The following CNTN1 variants were observed in gnomAD, a reference collection of about 807,000 sequenced individuals.
The protein encoded by CNTN1 is contactin 1.
CNTN1 carries 38 observed loss-of-function variants against 126.4 expected under a neutral mutation model. That is an observed-to-expected ratio of 0.30 (90% CI 0.23 to 0.39). The LOEUF (loss-of-function observed/expected upper bound fraction) is 0.39. Among genes scored for constraint, CNTN1 ranks in the 10% least tolerant of loss-of-function variants. The pLI is 1.00. For synonymous variants in CNTN1, 413 were observed against 422.6 expected (o/e 0.98, Z 0.28); for missense variants, 1,009 against 1,248.4 (o/e 0.81, Z 2.89).
intron 1 of CNTN1, among the ~76,000 whole-genome samples, chr12:40,755,175 A>T (rs1938550120): frequency 1.5e-5 from 2 of 133,546 alleles, no homozygotes; most frequent in African/African-American, 2.9e-5. Context: ...AGGGCAACAG[A>T]GTGAGACCCC....
chr12:41,007,085 A>G, intron 17 of CNTN1, among the ~76,000 whole-genome samples: 1 of 97,916 alleles, frequency 1.0e-5, no homozygotes, highest in African/African-American at 4.0e-5. Flanking sequence ...TTTGAGACGG[A>G]GTCTCGCTCT....
At chr12:40,958,427 G>C (rs1030271926) in intron 14 of CNTN1, among the ~76,000 whole-genome samples, 1 of 151,560 alleles carries the variant, frequency 6.6e-6, no homozygotes, top group Non-Finnish European at 1.5e-5. Flanking sequence ...ACCCGGTATA[G>C]AGTAGGCATT....
intron 23 of CNTN1, among the ~76,000 whole-genome samples, chr12:41,059,460 C>T (rs907454620): frequency 3.7e-4 from 56 of 152,090 alleles, no homozygotes; most frequent in Admixed American, 7.9e-4. Context: ...TTAAGGAAGG[C>T]GGCATCACTG....
intron 1 of CNTN1, among the ~76,000 whole-genome samples, chr12:40,760,466 ATGT>A (rs1938814430): frequency 1.3e-5 from 2 of 151,782 alleles, no homozygotes; most frequent in Non-Finnish European, 2.9e-5. Flanking sequence ...ACAGCAGTTA[ATGT>A]TTTTTTTTTT....
chr12:40,911,932 G>C (rs927577143), intron 3 of CNTN1, among the ~76,000 whole-genome samples: 1 of 152,186 alleles, frequency 6.6e-6, no homozygotes, highest in African/African-American at 2.4e-5. Flanking sequence ...GCTTTGTCAT[G>C]AAAGTAAAGG....
intron 23 of CNTN1, among the ~76,000 whole-genome samples, chr12:41,042,067 C>A (rs1457884149): frequency 6.6e-6 from 1 of 151,900 alleles, no homozygotes; most frequent in African/African-American, 2.4e-5. Context: ...TTATAAATTT[C>A]CCCCTACACA....
At chr12:41,069,856 G>C in intron 23 of CNTN1, 103 bp from the exon 24 acceptor site, 1 of 887,526 alleles carries the variant, frequency 1.1e-6, no homozygotes, top group Non-Finnish European at 1.9e-6. Context: ...GGACCCATTT[G>C]TTTTCCAGGG....
intron 1 of CNTN1, among the ~76,000 whole-genome samples, chr12:40,698,402 A>AT (rs912738834): frequency 4.0e-5 from 6 of 151,206 alleles, no homozygotes; most frequent in Non-Finnish European, 5.9e-5. Flanking sequence ...CGCCCAGTTA[A>AT]TTTTTTTGTA....
chr12:41,009,136 G>A (rs757608780), intron 17 of CNTN1, among the ~76,000 whole-genome samples: 7 of 152,170 alleles, frequency 4.6e-5, no homozygotes, highest in African/African-American at 9.7e-5. Flanking sequence ...TTCCCTGGCC[G>A]CATAGGTCTG....
intron 16 of CNTN1, among the ~76,000 whole-genome samples, chr12:40,992,278 G>A (rs1948113647): frequency 6.6e-6 from 1 of 152,128 alleles, no homozygotes. Flanking sequence ...TTATTGTGTT[G>A]ATGGACACGT....
At position 41,007,045 on chromosome 12, in the gene CNTN1, GTTTTTTTTTTTTTTTTTTT is replaced by G. The variant is rs71078294; in HGVS notation, c.2114-7169_2114-7151del. On this transcript the variant is annotated intron_variant, in intron 17 of 23. Transcript: ENST00000551295. The stretch of plus-strand genomic sequence containing the variant: ...TGGCAGTTAAAAGCAGTTTTGTGTG[GTTTTTTTTTTTTTTTTTTT>G]TTTTTTTTTTTTTGAGACGGAGTCT... Among the ~76,000 whole-genome samples the G allele has an allele frequency of 4.8e-4, 33 of 69,248 alleles. 1 individual carries two copies. Among genetic ancestry groups the G allele is most frequent in the African/African-American group, 1.8e-3 (30 of 16,250 alleles). 45.4% of individuals were successfully genotyped at this position (69,248 alleles called of 152,430 possible).
chr12:40,914,057 T>A (rs750776608), intron 3 of CNTN1, among the ~76,000 whole-genome samples: 2 of 152,164 alleles, frequency 1.3e-5, no homozygotes, highest in Non-Finnish European at 2.9e-5. Context: ...AAAAAAGGAA[T>A]GTATTAAAAA....
chr12:40,831,430 A>G (rs1941836589), intron 1 of CNTN1, among the ~76,000 whole-genome samples: 1 of 152,054 alleles, frequency 6.6e-6, no homozygotes, highest in South Asian at 2.1e-4. Flanking sequence ...AAGCTTTGTG[A>G]AATTCACAGA....
rs35499959 is a variant in CNTN1, at chr12:40,969,831, GA to G, written c.1804+10604del. Among the ~76,000 whole-genome samples the G allele has an allele frequency of 7.2e-4, 109 of 152,066 alleles. 1 individual carries two copies. The highest frequency in any genetic ancestry group is 7.1e-3 in the Admixed American group (108 of 15,248). On this transcript the variant is annotated intron_variant, in intron 15 of 23. Transcript: ENST00000551295. ...ACTTTGAATCCACTTTATCCTTTGG[GA>G]AAAAAATGCAGAAACTTCTGAATTC...
chr12:40,899,291 G>A (rs183267513), intron 1 of CNTN1, among the ~76,000 whole-genome samples: 5 of 152,208 alleles, frequency 3.3e-5, no homozygotes, highest in Admixed American at 2.0e-4. Flanking sequence ...ATCTCAGATC[G>A]GTTTGAATTG....
chr12:40,893,834 C>T (rs1280171958), intron 1 of CNTN1, among the ~76,000 whole-genome samples: 5 of 152,080 alleles, frequency 3.3e-5, no homozygotes, highest in Admixed American at 3.3e-4. Context: ...TCCTGTCTGA[C>T]TTCTAAATTC....
chr12:40,869,125 AAC>A (rs895374364), intron 1 of CNTN1, among the ~76,000 whole-genome samples: 4 of 151,820 alleles, frequency 2.6e-5, no homozygotes, highest in Admixed American at 2.0e-4. Flanking sequence ...TAGTTTATAA[AAC>A]ACAAAATAAT....
chr12:40,793,905 C>T (rs1940312911), intron 1 of CNTN1, among the ~76,000 whole-genome samples: 1 of 151,850 alleles, frequency 6.6e-6, no homozygotes, highest in Non-Finnish European at 1.5e-5. Flanking sequence ...ACTATTAGAC[C>T]GCAATTACTT....
At position 40,981,061 on chromosome 12, in the gene CNTN1, A is replaced by C; in HGVS notation, c.1957A>C (p.Lys653Gln). The change falls in exon 16 of 24, where the codon AAG becomes CAG. Residue 653 changes from lysine to glutamine, a missense_variant. Transcript: ENST00000551295. ...TCTTTCAGATGACTGGAAAGATGCA[A>C]AGACAGGTGAGTTTTATTTGTCTGA... ...TILSDDWKDA[K>Q]TDPPIIEGNM... The C allele has an allele frequency of 6.2e-7, 1 of 1,612,498 alleles. No homozygotes were observed. Among genetic ancestry groups the C allele is most frequent in the Non-Finnish European group, 8.5e-7 (1 of 1,179,690 alleles).
Sources: allele counts gnomAD v4.1 joint callset (sites outside exome capture counted in the v4.1 genomes callset), GRCh38; gene constraint gnomAD v4.1.1; transcripts MANE v1.5; gene names NCBI Gene and HGNC (gene_info 2026-07-23, HGNC 2026-07-21).